The following CDKAL1 variants were observed in gnomAD, a reference collection of about 807,000 sequenced individuals.
The protein encoded by CDKAL1 is threonylcarbamoyladenosine tRNA methylthiotransferase.
A neutral mutation model predicts 68.2 loss-of-function variants in CDKAL1; 32 were observed. That is an observed-to-expected ratio of 0.47 (90% confidence interval 0.35 to 0.63). CDKAL1 has a LOEUF of 0.63. CDKAL1 is among the 30% of genes least tolerant of loss of function. The pLI is 0.00. For missense variants in CDKAL1, 606 were observed against 696.7 expected, an observed-to-expected ratio of 0.87 and a Z score of 1.47; for synonymous variants, 234 against 244.3, an observed-to-expected ratio of 0.96 and a Z score of 0.39.
chr6:20,956,535 A>C (rs1409857065), intron 10 of CDKAL1, among the ~76,000 whole-genome samples: 1 of 152,254 alleles, frequency 6.6e-6, no homozygotes, highest in African/African-American at 2.4e-5. Flanking sequence ...AAAGCATGAA[A>C]ATGAATAACT....
chr6:20,542,900 A>G (rs566856703), intron 2 of CDKAL1, among the ~76,000 whole-genome samples: 1 of 152,254 alleles, frequency 6.6e-6, no homozygotes, highest in Non-Finnish European at 1.5e-5. Context: ...AGCATGTTAT[A>G]TAAAAGTGAT....
At chr6:20,978,018 C>T (rs900008168) in intron 10 of CDKAL1, among the ~76,000 whole-genome samples, 5 of 152,124 alleles carry the variant, frequency 3.3e-5, no homozygotes, top group African/African-American at 1.2e-4. Flanking sequence ...AGTCATAGGA[C>T]TGAATCTAAA....
intron 4 of CDKAL1, among the ~76,000 whole-genome samples, chr6:20,608,876 G>A (rs1766450521): frequency 6.6e-6 from 1 of 152,184 alleles, no homozygotes; most frequent in African/African-American, 2.4e-5. Context: ...TGGTGTTTGT[G>A]GTTTGTGACT....
chr6:20,803,539 A>AGGCTTATTTT (rs1299602240), intron 8 of CDKAL1, among the ~76,000 whole-genome samples: 1 of 152,220 alleles, frequency 6.6e-6, no homozygotes, highest in African/African-American at 2.4e-5. Context: ...AACTAAAAAT[A>AGGCTTATTTT]AGCCATTGGC....
chr6:21,135,530 C>A, intron 13 of CDKAL1: 1 of 183,520 alleles, frequency 5.4e-6, no homozygotes, highest in Non-Finnish European at 1.0e-5. Context: ...AATTTCTCTT[C>A]TGTAAGTTCC....
chr6:21,045,883 A>G (rs1342666527), intron 11 of CDKAL1, among the ~76,000 whole-genome samples: 3 of 152,156 alleles, frequency 2.0e-5, no homozygotes, highest in Admixed American at 1.3e-4. Context: ...CCTGATAGTC[A>G]TTGTTTCTGA....
chr6:21,003,365 T>TACACACACACACACACACACAC (rs1409256066), intron 11 of CDKAL1, among the ~76,000 whole-genome samples: 5 of 62,368 alleles, frequency 8.0e-5, no homozygotes, highest in African/African-American at 5.2e-4. Flanking sequence ...TATATATATA[T>TACACACACACACACACACACAC]ATATATACAC....
chr6:20,915,672 C>T (rs1433805848), intron 9 of CDKAL1, among the ~76,000 whole-genome samples: 5 of 152,106 alleles, frequency 3.3e-5, no homozygotes, highest in South Asian at 2.1e-4. Flanking sequence ...TCCCAGGTAC[C>T]GTGTGACCCA....
intron 5 of CDKAL1, among the ~76,000 whole-genome samples, chr6:20,665,565 A>T (rs1769494453): frequency 6.6e-6 from 1 of 152,092 alleles, no homozygotes; most frequent in Admixed American, 6.6e-5. Context: ...GTTCTTAATG[A>T]CACAAAGTAT....
At chr6:20,784,668 G>C (rs893398754) in intron 8 of CDKAL1, among the ~76,000 whole-genome samples, 11 of 151,274 alleles carry the variant, frequency 7.3e-5, no homozygotes, top group Admixed American at 7.2e-4. Flanking sequence ...TGTGATCCAC[G>C]CACCTCGGTC....
At chr6:20,605,641 T>C (rs1258128920) in intron 4 of CDKAL1, among the ~76,000 whole-genome samples, 1 of 152,164 alleles carries the variant, frequency 6.6e-6, no homozygotes, top group Non-Finnish European at 1.5e-5. Context: ...TGGAAACAGG[T>C]TGGTTCTGTT....
At chr6:20,856,757 A>C (rs1759358576) in intron 9 of CDKAL1, among the ~76,000 whole-genome samples, 1 of 152,162 alleles carries the variant, frequency 6.6e-6, no homozygotes, top group Admixed American at 6.5e-5. Flanking sequence ...TAAAGGCTGC[A>C]AGTTGGTTTT....
chr6:20,764,375 T>G (rs778523183), intron 7 of CDKAL1, among the ~76,000 whole-genome samples: 1 of 152,166 alleles, frequency 6.6e-6, no homozygotes, highest in Non-Finnish European at 1.5e-5. Context: ...TGGCGGTAAT[T>G]TAGGGTTTTC....
intron 13 of CDKAL1, among the ~76,000 whole-genome samples, chr6:21,138,237 C>CTG (rs144464167): frequency 0.35 from 53,310 of 151,058 alleles, 9,380 homozygotes; most frequent in Admixed American, 0.43. Flanking sequence ...ATGTGTGTGT[C>CTG]TGTGTGTGTG....
intron 11 of CDKAL1, among the ~76,000 whole-genome samples, chr6:21,039,948 A>C (rs1205267110): frequency 6.6e-6 from 1 of 152,192 alleles, no homozygotes; most frequent in Non-Finnish European, 1.5e-5. Flanking sequence ...TTGTGCAGTA[A>C]ACATTAAGTC....
chr6:20,991,581 C>T (rs1766804518), intron 10 of CDKAL1, among the ~76,000 whole-genome samples: 2 of 151,770 alleles, frequency 1.3e-5, no homozygotes, highest in South Asian at 4.2e-4. Context: ...GTGGCGGGCG[C>T]CTGTAGTCCC....
rs370036861 is a variant in CDKAL1, at chr6:20,997,515, G to T, written c.910-2712G>T. Among the ~76,000 whole-genome samples the T allele has an allele frequency of 5.7e-4, 54 of 94,328 alleles. No homozygotes were observed. In the South Asian group the frequency reaches 0.017, roughly 30 times the overall value. The allele number at this position is 94,328 out of a possible 152,430, so 61.9% of individuals were successfully genotyped here. A position where few individuals can be genotyped will look rare whatever the true frequency, so the allele number is the denominator to read the frequency against. On this transcript the variant is annotated intron_variant, in intron 10 of 15. Transcript: ENST00000274695. ...GCTAAAGATAATTACTAGTGGGAAG[G>T]TTTATTTTGAGAACCACGGGGGTGG... is the stretch of plus-strand genomic sequence containing the variant.
intron 4 of CDKAL1, among the ~76,000 whole-genome samples, chr6:20,640,874 G>A (rs35889049): frequency 0.19 from 28,756 of 152,028 alleles, 2,967 homozygotes; most frequent in African/African-American, 0.24. Context: ...TAAAAATGAA[G>A]GTCAACGTGG....
At chr6:20,673,475 G>A (rs1769945700) in intron 5 of CDKAL1, among the ~76,000 whole-genome samples, 1 of 152,196 alleles carries the variant, frequency 6.6e-6, no homozygotes, top group Non-Finnish European at 1.5e-5. Context: ...ATCTGTACAT[G>A]TTTAGTACGG....
Sources: allele counts gnomAD v4.1 joint callset (sites outside exome capture counted in the v4.1 genomes callset), GRCh38; gene constraint gnomAD v4.1.1; transcripts MANE v1.5; gene names NCBI Gene and HGNC (gene_info 2026-07-23, HGNC 2026-07-21).